The following ATP8A1 variants were observed in gnomAD, a reference collection of about 807,000 sequenced individuals.
ATP8A1 encodes ATPase phospholipid transporting 8A1.
ATP8A1 carries 90 observed loss-of-function variants against 177.7 expected under a neutral mutation model. The ratio of observed to expected loss-of-function variants is 0.51; its 90% CI spans 0.43 to 0.60. The LOEUF is 0.60. Among genes scored for constraint, ATP8A1 ranks in the 20% least tolerant of loss-of-function variants. The probability of loss-of-function intolerance (pLI) is 0.00; values close to 1 mark genes in which losing one functional copy is unlikely to be tolerated. For missense variants in ATP8A1, 1,072 were observed against 1,392.8 expected (o/e 0.77, Z 3.67); for synonymous variants, 493 against 485.9 (o/e 1.01, Z -0.19).
intron 33 of ATP8A1, among the ~76,000 whole-genome samples, chr4:42,430,999 C>T (rs1203461339): frequency 1.3e-5 from 2 of 152,082 alleles, no homozygotes; most frequent in African/African-American, 4.8e-5. Context: ...TTAACACAGT[C>T]CAGCCTGCTG....
In ATP8A1 at chr4:42,574,689, C is replaced by T. The variant is rs1732257959; in HGVS notation, c.1225G>A (p.Asp409Asn). ...TTGCATGTCAGAGTACCAGTTTTGTCAGAAAATATGTATTTAACCTAAAAA... is the reference window on the plus strand; with the variant it reads ...TTGCATGTCAGAGTACCAGTTTTGTTAGAAAATATGTATTTAACCTAAAAA... Reference protein sequence around the residue: ...ELGQVKYIFSDKTGTLTCNVM... With the variant: ...ELGQVKYIFSNKTGTLTCNVM... Residue 409 changes from aspartate to asparagine, a missense_variant, in exon 14 of 37, where the codon GAC becomes AAC. Asp to Asn is a conservative substitution (Grantham distance 23, BLOSUM62 1). This residue lies in a region of ATP8A1 where 388 missense variants were observed against 471.7 expected (regional missense o/e 0.82). Coordinates refer to ENST00000381668, the MANE Select transcript of ATP8A1 (RefSeq NM_006095.2). 6.2e-7 allele frequency: 1 copy of T among 1,605,492 alleles called. No homozygotes were observed.
At chr4:42,478,641 TCTTC>T (rs1721337715) in intron 25 of ATP8A1, among the ~76,000 whole-genome samples, 3 of 152,078 alleles carry the variant, frequency 2.0e-5, no homozygotes, top group East Asian at 3.9e-4. Flanking sequence ...AGCTTGCAAA[TCTTC>T]CTCATTCTTT....
chr4:42,442,021 C>T (rs1353166044), intron 33 of ATP8A1, among the ~76,000 whole-genome samples: 1 of 152,092 alleles, frequency 6.6e-6, no homozygotes, highest in Non-Finnish European at 1.5e-5. Flanking sequence ...TTGGGTAATA[C>T]TGGGAATTCT....
At chr4:42,509,632 G>C (rs907217459) in intron 22 of ATP8A1, among the ~76,000 whole-genome samples, 7 of 152,140 alleles carry the variant, frequency 4.6e-5, no homozygotes, top group African/African-American at 1.2e-4. Context: ...AGGCCTAGGC[G>C]GGTGGATCAC....
Position 42,586,304 on chromosome 4 carries a change from T to C in ATP8A1, c.722+45A>G, listed in dbSNP as rs746006460. The C allele has an allele frequency of 5.0e-6, 8 of 1,600,326 alleles. No homozygotes were observed. In the East Asian group the frequency reaches 1.1e-4, roughly 22 times the overall value. ...ACTTAGAAGACACAGCAATACTCTA[T>C]GACACAGTGGATTCTGTGTTTTTAT... On this transcript the variant is annotated intron_variant, in intron 9 of 36. Transcript: ENST00000381668.
chr4:42,445,161 C>T (rs1398372851), intron 31 of ATP8A1, among the ~76,000 whole-genome samples: 1 of 152,166 alleles, frequency 6.6e-6, no homozygotes, highest in African/African-American at 2.4e-5. Flanking sequence ...TATATGCACC[C>T]ATCGCTGGGG....
chr4:42,543,372 T>G (rs1367861470), intron 20 of ATP8A1, among the ~76,000 whole-genome samples: 1 of 152,150 alleles, frequency 6.6e-6, no homozygotes, highest in African/African-American at 2.4e-5. Flanking sequence ...GATTTCTCAT[T>G]TTCCCATGAG....
chr4:42,581,891 G>A (rs1425594461), intron 9 of ATP8A1, among the ~76,000 whole-genome samples, 159 bp from the exon 10 acceptor site: 1 of 152,100 alleles, frequency 6.6e-6, no homozygotes, highest in Non-Finnish European at 1.5e-5. Flanking sequence ...TTCTTAAACA[G>A]CAACGACACA....
At chr4:42,535,603 G>A (rs964737006) in intron 20 of ATP8A1, among the ~76,000 whole-genome samples, 2 of 151,932 alleles carry the variant, frequency 1.3e-5, no homozygotes, top group Admixed American at 6.6e-5. Context: ...TTGTACTCTC[G>A]AACAAATGGA....
At chr4:42,629,088 T>C (rs936514323) in intron 1 of ATP8A1, among the ~76,000 whole-genome samples, 4 of 152,202 alleles carry the variant, frequency 2.6e-5, no homozygotes, top group African/African-American at 9.7e-5. Flanking sequence ...CCCTCAGATA[T>C]TAACTTGTAT....
intron 1 of ATP8A1, among the ~76,000 whole-genome samples, chr4:42,644,501 T>C (rs538269049): frequency 3.3e-5 from 5 of 152,236 alleles, no homozygotes; most frequent in South Asian, 2.1e-4. Flanking sequence ...CAAATCACAT[T>C]ATCACCTAAT....
intron 29 of ATP8A1, among the ~76,000 whole-genome samples, chr4:42,453,262 C>A (rs1193039700): frequency 2.0e-5 from 3 of 152,204 alleles, no homozygotes; most frequent in Non-Finnish European, 4.4e-5. Context: ...GCACTTGGAA[C>A]CCCCAGCAAC....
At chr4:42,499,077 A>T (rs1723559478) in intron 24 of ATP8A1, among the ~76,000 whole-genome samples, 2 of 152,204 alleles carry the variant, frequency 1.3e-5, no homozygotes, top group African/African-American at 4.8e-5. Flanking sequence ...TTCCTGCAGG[A>T]TCCAAACACT....
chr4:42,433,446 A>C (rs577655637), intron 33 of ATP8A1, among the ~76,000 whole-genome samples: 9 of 152,260 alleles, frequency 5.9e-5, no homozygotes, highest in African/African-American at 2.2e-4. Context: ...GCACTCCATA[A>C]ATCTCAGTTT....
At chr4:42,415,535 G>C (rs994040225) in intron 35 of ATP8A1, among the ~76,000 whole-genome samples, 1 of 152,112 alleles carries the variant, frequency 6.6e-6, no homozygotes, top group African/African-American at 2.4e-5. Context: ...ATTCTGAAAT[G>C]TACTTATAGA....
intron 33 of ATP8A1, among the ~76,000 whole-genome samples, chr4:42,439,557 C>T (rs1372496435): frequency 6.6e-6 from 1 of 152,178 alleles, no homozygotes; most frequent in Non-Finnish European, 1.5e-5. Context: ...ACCATTAGGT[C>T]TGAGTGAATG....
chr4:42,511,938 A>G (rs1725046066), intron 22 of ATP8A1, among the ~76,000 whole-genome samples: 1 of 152,206 alleles, frequency 6.6e-6, no homozygotes, highest in Non-Finnish European at 1.5e-5. Context: ...CCTTAAAGAC[A>G]AAGTAATATT....
rs145568924 is a variant in ATP8A1, at chr4:42,626,742, G to C, written c.164+253C>G. 3.5e-4 allele frequency: 173 copies of C among 493,860 alleles called. 1 individual carries two copies. The highest frequency in any genetic ancestry group is 5.3e-4 in the Non-Finnish European group (144 of 272,620). The allele number at this position is 493,860 out of a possible 1,614,324, so 30.6% of individuals were successfully genotyped here. On this transcript the variant is annotated intron_variant, in intron 2 of 36. Transcript: ENST00000381668. Reference sequence around the variant, plus strand: ...GGACAGAGGCATTTACACATAAGCAGCTTTCATTATTCAATATCTATGCAG... The same window carrying C: ...GGACAGAGGCATTTACACATAAGCACCTTTCATTATTCAATATCTATGCAG...
intron 5 of ATP8A1, among the ~76,000 whole-genome samples, chr4:42,606,781 T>C (rs905936821): frequency 7.9e-5 from 12 of 152,228 alleles, no homozygotes; most frequent in African/African-American, 2.9e-4. Context: ...TTCACATGAT[T>C]GTACCCTGTA....
Sources: allele counts gnomAD v4.1 joint callset (sites outside exome capture counted in the v4.1 genomes callset), GRCh38; gene constraint gnomAD v4.1.1; regional missense constraint gnomAD v4.1.1; transcripts MANE v1.5; gene names NCBI Gene and HGNC (gene_info 2026-07-23, HGNC 2026-07-21).